The following NRG3 variants were observed in gnomAD, a reference collection of about 807,000 sequenced individuals.
NRG3 encodes the protein neuregulin 3, also known as pro-neuregulin-3, membrane-bound isoform.
NRG3 carries 31 observed loss-of-function variants against 66.9 expected under a neutral mutation model. The observed-to-expected ratio is 0.46, with a 90% confidence interval of 0.35 to 0.63. NRG3 has a LOEUF of 0.63. Among genes scored for constraint, NRG3 ranks in the 20% least tolerant of loss-of-function variants. The pLI, the probability that NRG3 is intolerant of heterozygous loss-of-function variation, is 0.00. For missense variants in NRG3, 910 were observed against 878.9 expected (o/e 1.04, Z -0.45); for synonymous variants, 393 against 359.4 (o/e 1.09, Z -1.06).
chr10:82,808,198 T>TAA (rs34300474), intron 3 of NRG3, among the ~76,000 whole-genome samples: 62 of 146,978 alleles, frequency 4.2e-4, no homozygotes, highest in South Asian at 3.2e-3. Flanking sequence ...ACACACGTAG[T>TAA]AAAAAAAAAA....
At chr10:82,668,057 T>A (rs976162783) in intron 2 of NRG3, among the ~76,000 whole-genome samples, 1 of 152,108 alleles carries the variant, frequency 6.6e-6, no homozygotes, top group Non-Finnish European at 1.5e-5. Flanking sequence ...TAAACCAGCT[T>A]CCTCCCTCCC....
intron 2 of NRG3, among the ~76,000 whole-genome samples, chr10:82,542,917 G>C (rs1245921413): frequency 6.7e-6 from 1 of 149,852 alleles, no homozygotes; most frequent in African/African-American, 2.5e-5. Context: ...TTGAGAACGA[G>C]TTTTGCTCTT....
intron 2 of NRG3, among the ~76,000 whole-genome samples, chr10:82,482,475 TG>T (rs1188937038): frequency 1.3e-5 from 2 of 152,196 alleles, no homozygotes; most frequent in Non-Finnish European, 2.9e-5. Context: ...CTGTAAGATT[TG>T]GGTTTCTATT....
At chr10:82,259,989 A>G (rs1028183125) in intron 1 of NRG3, among the ~76,000 whole-genome samples, 2 of 152,088 alleles carry the variant, frequency 1.3e-5, no homozygotes, top group Non-Finnish European at 2.9e-5. Context: ...AAAATAAATA[A>G]ATGTTATTCA....
At chr10:82,703,542 A>G (rs1171950268) in intron 2 of NRG3, among the ~76,000 whole-genome samples, 2 of 152,130 alleles carry the variant, frequency 1.3e-5, no homozygotes, top group Non-Finnish European at 2.9e-5. Flanking sequence ...GGGTACTGTC[A>G]GGGGCTCTGA....
intron 1 of NRG3, among the ~76,000 whole-genome samples, chr10:81,995,430 A>G (rs969692834): frequency 3.3e-5 from 5 of 152,108 alleles, no homozygotes; most frequent in Non-Finnish European, 7.4e-5. Flanking sequence ...ATGCATGTTT[A>G]CTATGGAATG....
At chr10:82,364,770 A>G (rs2084413847) in intron 2 of NRG3, among the ~76,000 whole-genome samples, 1 of 152,224 alleles carries the variant, frequency 6.6e-6, no homozygotes, top group Admixed American at 6.5e-5. Flanking sequence ...AAATCAGCCA[A>G]GCAATTCGCT....
intron 2 of NRG3, among the ~76,000 whole-genome samples, chr10:82,687,910 C>A (rs2054631571): frequency 6.6e-6 from 1 of 152,142 alleles, no homozygotes; most frequent in Non-Finnish European, 1.5e-5. Flanking sequence ...CAAATGATTT[C>A]TCCTGCCATT....
intron 6 of NRG3, among the ~76,000 whole-genome samples, chr10:82,972,628 T>C (rs1851875755): frequency 6.6e-6 from 1 of 152,208 alleles, no homozygotes; most frequent in African/African-American, 2.4e-5. Context: ...TCTTTAGTTT[T>C]TTATAGTTCA....
Position 82,147,380 on chromosome 10 carries a change from A to G in NRG3, c.824-211359A>G, listed in dbSNP as rs189904235. Among the ~76,000 whole-genome samples the G allele has an allele frequency of 5.3e-5, 8 of 152,278 alleles. No homozygotes were observed. The East Asian group carries it at 1.2e-3, about 22-fold the overall frequency. On this transcript the variant is annotated intron_variant, in intron 1 of 8. Transcript: ENST00000372141. Reference sequence around the variant, plus strand: ...ATATGCCTCTGAACAAATGGTAAACAAGGGAACCTAAATGTCCATAGGTGT... The same window carrying G: ...ATATGCCTCTGAACAAATGGTAAACGAGGGAACCTAAATGTCCATAGGTGT...
intron 1 of NRG3, among the ~76,000 whole-genome samples, chr10:82,142,544 G>A (rs1038962056): frequency 4.6e-5 from 7 of 152,092 alleles, no homozygotes; most frequent in African/African-American, 1.2e-4. Context: ...AGCTTAGAGT[G>A]GGGTATCGAG....
intron 2 of NRG3, among the ~76,000 whole-genome samples, chr10:82,571,459 AG>A (rs1454136772): frequency 3.8e-4 from 57 of 151,762 alleles, no homozygotes; most frequent in Non-Finnish European, 4.4e-5. Flanking sequence ...AGTGAAAAGT[AG>A]TACAAAAATT....
chr10:82,844,026 A>G (rs1483056415), intron 3 of NRG3, among the ~76,000 whole-genome samples: 2 of 152,176 alleles, frequency 1.3e-5, no homozygotes, highest in East Asian at 1.9e-4. Context: ...ATAGATCTAT[A>G]TATAAATATA....
intron 4 of NRG3, among the ~76,000 whole-genome samples, chr10:82,922,754 TC>T (rs1187184077): frequency 6.6e-6 from 1 of 152,246 alleles, no homozygotes; most frequent in East Asian, 1.9e-4. Flanking sequence ...GCATGTTACT[TC>T]TTTTTTACAT....
At chr10:82,045,849 G>C (rs11528182) in intron 1 of NRG3, among the ~76,000 whole-genome samples, 115,270 of 130,340 alleles carry the variant, frequency 0.88, 52,223 homozygotes, top group South Asian at 0.99. Context: ...TCTTGTTTTT[G>C]TCAGGTTTGT....
intron 3 of NRG3, among the ~76,000 whole-genome samples, chr10:82,794,303 A>G (rs1239731987): frequency 2.0e-5 from 3 of 152,330 alleles, no homozygotes; most frequent in Non-Finnish European, 2.9e-5. Context: ...CAGTTTTAGT[A>G]TCAGACTAGG....
intron 2 of NRG3, among the ~76,000 whole-genome samples, chr10:82,620,435 A>G (rs2048968604): frequency 6.6e-6 from 1 of 152,110 alleles, no homozygotes; most frequent in African/African-American, 2.4e-5. Context: ...GGGCAGGCAG[A>G]TAATCTTCCC....
intron 2 of NRG3, among the ~76,000 whole-genome samples, chr10:82,701,221 A>T (rs915344): frequency 0.88 from 133,681 of 152,122 alleles, 59,085 homozygotes; most frequent in East Asian, 1. Context: ...TTACTTCAAA[A>T]CTTCTTCCCT....
intron 1 of NRG3, among the ~76,000 whole-genome samples, chr10:82,100,843 T>G (rs1379051700): frequency 7.1e-6 from 1 of 141,300 alleles, no homozygotes; most frequent in South Asian, 2.4e-4. Flanking sequence ...CTAAAATGCC[T>G]TTGTCCTTTT....
Sources: allele counts gnomAD v4.1 joint callset (sites outside exome capture counted in the v4.1 genomes callset), GRCh38; gene constraint gnomAD v4.1.1; transcripts MANE v1.5; gene names NCBI Gene and HGNC (gene_info 2026-07-23, HGNC 2026-07-21).